Variants in SLC24A2 observed in about 807,000 individuals in gnomAD.
The protein encoded by SLC24A2 is sodium/potassium/calcium exchanger 2.
A neutral mutation model predicts 62.0 loss-of-function variants in SLC24A2; 36 were observed. The ratio of observed to expected loss-of-function variants is 0.58; its 90% confidence interval spans 0.44 to 0.77. The LOEUF (loss-of-function observed/expected upper bound fraction) is 0.77. Among genes scored for constraint, SLC24A2 ranks in the 30% least tolerant of loss-of-function variants. The pLI is 0.00. For missense variants in SLC24A2, 846 were observed against 817.9 expected (o/e 1.03, Z -0.42); for synonymous variants, 358 against 294.0 (o/e 1.22, Z -2.23).
At chr9:20,194,007 T>C in the SLC24A2 span, among the ~76,000 whole-genome samples, 2 of 151,978 alleles carry the variant, frequency 1.3e-5, no homozygotes, top group African/African-American at 4.8e-5. Context: ...TAGGACAGAG[T>C]GTGTGTAAAT....
chr9:19,706,602 T>C (rs1820529938), intron 2 of SLC24A2, among the ~76,000 whole-genome samples: 1 of 152,048 alleles, frequency 6.6e-6, no homozygotes, highest in African/African-American at 2.4e-5. Context: ...ATGGTCTCGA[T>C]CTCCTGACCT....
chr9:19,511,765 T>C lies in SLC24A2; in HGVS notation c.*4388A>G, dbSNP rs555549244. On this transcript the variant is annotated 3_prime_UTR_variant, in exon 11 of 11. Coordinates refer to ENST00000341998, the MANE Select transcript of SLC24A2 (RefSeq NM_020344.4). ...AATCACCCTGAGAACAGCTTCACTT[T>C]GTTTCTTCTGGAACACAGCTGCCAC... 6 of 152,352 alleles carry C rather than the reference T, an allele frequency of 3.9e-5. No individual in the cohort carries two copies. Among genetic ancestry groups the C allele is most frequent in the Admixed American group, 2.6e-4 (4 of 15,302 alleles). The allele number at this position is 152,352 out of a possible 1,614,324, so 9.4% of individuals were successfully genotyped here.
At chr9:19,901,654 G>A in the SLC24A2 span, among the ~76,000 whole-genome samples, 1 of 152,140 alleles carries the variant, frequency 6.6e-6, no homozygotes, top group Non-Finnish European at 1.5e-5. Context: ...TGTGTTGGTG[G>A]AGACTTAATA....
intron 1 of SLC24A2, 196 bp downstream of exon 1, chr9:19,788,689 G>A (rs1235406452): frequency 1.2e-5 from 12 of 985,130 alleles, no homozygotes; most frequent in African/African-American, 1.7e-5. Context: ...AGCAAGGGTA[G>A]GAGAGGCGGG....
intron 8 of SLC24A2, among the ~76,000 whole-genome samples, chr9:19,538,256 G>A (rs1412131162): frequency 2.9e-5 from 4 of 137,966 alleles, no homozygotes; most frequent in African/African-American, 1.2e-4. Flanking sequence ...TAGGAGTGGT[G>A]AGAGAGGGCA....
At chr9:19,552,057 C>CA (rs1316839877) in intron 7 of SLC24A2, among the ~76,000 whole-genome samples, 4 of 152,128 alleles carry the variant, frequency 2.6e-5, no homozygotes, top group Non-Finnish European at 5.9e-5. Context: ...AGGAAGTTGA[C>CA]AGTTTATTTT....
chr9:19,699,503 A>G (rs1820294653), intron 2 of SLC24A2, among the ~76,000 whole-genome samples: 1 of 152,242 alleles, frequency 6.6e-6, no homozygotes. Flanking sequence ...CATTCATGCA[A>G]TATTATGATA....
At chr9:20,086,964 A>G in the SLC24A2 span, among the ~76,000 whole-genome samples, 287 of 152,270 alleles carry the variant, frequency 1.9e-3, no homozygotes, top group African/African-American at 6.8e-3. Context: ...CCCTAGAATG[A>G]TGTTGCAAGG....
chr9:20,274,250 G>A, the SLC24A2 span, among the ~76,000 whole-genome samples: 8 of 152,250 alleles, frequency 5.3e-5, no homozygotes, highest in South Asian at 1.7e-3. Flanking sequence ...ACAGGGGAGG[G>A]GGACCAGGAG....
At chr9:19,705,381 G>T in intron 2 of SLC24A2, 1 of 160,694 alleles carries the variant, frequency 6.2e-6, no homozygotes, top group South Asian at 1.7e-4. Context: ...GTATTGAACT[G>T]GGAGTGGTGT....
At chr9:19,733,600 A>T (rs896562612) in intron 2 of SLC24A2, among the ~76,000 whole-genome samples, 7 of 152,174 alleles carry the variant, frequency 4.6e-5, no homozygotes, top group Non-Finnish European at 8.8e-5. Context: ...AAAAATCATG[A>T]ATAGAGGAAA....
intron 2 of SLC24A2, among the ~76,000 whole-genome samples, chr9:19,651,714 T>G (rs2118164294): frequency 6.6e-6 from 1 of 152,316 alleles, no homozygotes. Flanking sequence ...AATGCCTTTA[T>G]TTTGCAGATG....
chr9:19,547,187 G>T (rs1008574393), intron 8 of SLC24A2, among the ~76,000 whole-genome samples: 4 of 152,134 alleles, frequency 2.6e-5, no homozygotes, highest in Non-Finnish European at 4.4e-5. Context: ...AAACCAAAGT[G>T]TTCTTCCTAA....
intron 2 of SLC24A2, among the ~76,000 whole-genome samples, chr9:19,695,678 G>T (rs80074139): frequency 1.4e-4 from 2 of 14,438 alleles, no homozygotes; most frequent in Non-Finnish European, 2.6e-4. Flanking sequence ...CTTGTTAGTA[G>T]CAAAAAAAAA....
At chr9:19,825,328 T>C in the SLC24A2 span, among the ~76,000 whole-genome samples, 3 of 152,204 alleles carry the variant, frequency 2.0e-5, no homozygotes, top group Admixed American at 2.0e-4. Flanking sequence ...AGTAATTCTA[T>C]AAATAATTTA....
At chr9:20,217,097 G>T in the SLC24A2 span, among the ~76,000 whole-genome samples, 1 of 152,136 alleles carries the variant, frequency 6.6e-6, no homozygotes, top group Non-Finnish European at 1.5e-5. Flanking sequence ...TGAATAAATG[G>T]ATTGTGGTAT....
At chr9:19,549,920 A>G (rs917739956) in intron 8 of SLC24A2, among the ~76,000 whole-genome samples, 1 of 152,244 alleles carries the variant, frequency 6.6e-6, no homozygotes, top group Admixed American at 6.5e-5. Context: ...GTGTCTGCTC[A>G]GAGAAATCTG....
chr9:20,192,912 T>A, the SLC24A2 span, among the ~76,000 whole-genome samples: 3 of 152,166 alleles, frequency 2.0e-5, no homozygotes, highest in African/African-American at 7.2e-5. Flanking sequence ...TCTACTTAAT[T>A]AGATCAAAGC....
At chr9:19,549,531 C>T (rs73645419) in intron 8 of SLC24A2, among the ~76,000 whole-genome samples, 22 of 152,276 alleles carry the variant, frequency 1.4e-4, no homozygotes, top group African/African-American at 5.1e-4. Context: ...TGACTGACCT[C>T]TTATGTAAAA....
Sources: gnomAD v4.1 joint callset for allele counts (sites outside exome capture counted in the v4.1 genomes callset) on GRCh38, gnomAD v4.1.1 for gene constraint, MANE v1.5 for transcripts, NCBI Gene and HGNC (gene_info 2026-07-23, HGNC 2026-07-21) for gene names.